SLC35F4: variants seen among roughly 807,000 people sequenced by gnomAD.
SLC35F4 encodes solute carrier family 35 member F4.
Under a neutral mutation model 44.2 loss-of-function variants are expected in SLC35F4, and 24 were observed. The ratio of observed to expected loss-of-function variants is 0.54; its 90% confidence interval spans 0.39 to 0.76. The LOEUF is 0.76. Among genes scored for constraint, SLC35F4 ranks in the 30% least tolerant of loss-of-function variants. The pLI, the probability that SLC35F4 is intolerant of heterozygous loss-of-function variation, is 0.00. For synonymous variants in SLC35F4, 238 were observed against 223.6 expected, an observed-to-expected ratio of 1.06 and a Z score of -0.57; for missense variants, 562 against 586.1, an observed-to-expected ratio of 0.96 and a Z score of 0.42.
At chr14:57,890,175 G>A (rs1595270543) in intron 1 of SLC35F4, among the ~76,000 whole-genome samples, 1 of 152,120 alleles carries the variant, frequency 6.6e-6, no homozygotes, top group South Asian at 2.1e-4. Context: ...AGAACAACAT[G>A]CTTTGGGTAG....
chr14:57,602,496 T>G (rs760868365), intron 1 of SLC35F4: 1 of 152,208 alleles, frequency 6.6e-6, no homozygotes, highest in Non-Finnish European at 1.5e-5. Flanking sequence ...AAATTTGTAT[T>G]GCAGTAGAAT....
chr14:57,934,630 C>T (rs944543105), intron 1 of SLC35F4, among the ~76,000 whole-genome samples: 2 of 151,930 alleles, frequency 1.3e-5, no homozygotes, highest in African/African-American at 4.8e-5. Flanking sequence ...TAGAGTCAGG[C>T]ATTGTATGCA....
intron 1 of SLC35F4, among the ~76,000 whole-genome samples, chr14:57,923,236 A>T (rs17733116): frequency 0.051 from 7,764 of 152,312 alleles, 294 homozygotes; most frequent in Middle Eastern, 0.099. Context: ...AGGAGCCTGT[A>T]TGAGATTGAT....
At chr14:57,864,472 G>A (rs889072879) in intron 1 of SLC35F4, among the ~76,000 whole-genome samples, 4 of 152,042 alleles carry the variant, frequency 2.6e-5, no homozygotes, top group African/African-American at 9.7e-5. Context: ...ATGAAATATC[G>A]AACTAGAAAA....
At chr14:57,963,439 G>T (rs1890375235) in intron 1 of SLC35F4, among the ~76,000 whole-genome samples, 1 of 152,164 alleles carries the variant, frequency 6.6e-6, no homozygotes, top group Non-Finnish European at 1.5e-5. Context: ...GCAGCCCCTG[G>T]GGCTGGAGGC....
intron 1 of SLC35F4, among the ~76,000 whole-genome samples, chr14:57,631,773 A>G (rs2072788938): frequency 6.6e-6 from 1 of 152,128 alleles, no homozygotes; most frequent in African/African-American, 2.4e-5. Flanking sequence ...ATCCTTAACC[A>G]TTTATAATTT....
At chr14:57,573,379 CATT>C (rs1348897836) in intron 4 of SLC35F4, among the ~76,000 whole-genome samples, 6 of 152,304 alleles carry the variant, frequency 3.9e-5, no homozygotes, top group Middle Eastern at 3.4e-3. Context: ...CTTCATTAAA[CATT>C]ATCCAGGAGG....
At chr14:57,860,414 G>A (rs1256294253) in intron 1 of SLC35F4, among the ~76,000 whole-genome samples, 2 of 152,118 alleles carry the variant, frequency 1.3e-5, no homozygotes, top group Non-Finnish European at 2.9e-5. Context: ...ACCTTTCCAG[G>A]GAAGGTGGGA....
chr14:57,823,331 G>A (rs1310080191), intron 1 of SLC35F4, among the ~76,000 whole-genome samples: 1 of 152,094 alleles, frequency 6.6e-6, no homozygotes, highest in East Asian at 1.9e-4. Context: ...TCACAATATT[G>A]TGATCACCTA....
At chr14:57,960,967 A>G (rs1890327463) in intron 1 of SLC35F4, among the ~76,000 whole-genome samples, 1 of 152,122 alleles carries the variant, frequency 6.6e-6, no homozygotes, top group African/African-American at 2.4e-5. Flanking sequence ...CCCTGAACAC[A>G]TGTGAAGAGT....
chr14:57,946,917 TG>T (rs1402479200), intron 1 of SLC35F4, among the ~76,000 whole-genome samples: 1 of 152,172 alleles, frequency 6.6e-6, no homozygotes, highest in African/African-American at 2.4e-5. Context: ...GATTTGGGTT[TG>T]TTTTTGTTTT....
chr14:57,698,723 T>C (rs994593385), intron 1 of SLC35F4, among the ~76,000 whole-genome samples: 23 of 151,770 alleles, frequency 1.5e-4, no homozygotes, highest in Admixed American at 2.6e-4. Context: ...CTGCGACCTC[T>C]ACCTCCCAGG....
rs1288201948 is a variant in SLC35F4 at position 57,861,957 on chromosome 14, G to C, written c.103+3766C>G. On this transcript the variant is annotated intron_variant, in intron 1 of 7. Coordinates refer to ENST00000556826, the MANE Select transcript of SLC35F4 (RefSeq NM_001306087.2). ...GGCCTTAAATACCACCCAAGTACTG[G>C]CAAATCCTTAATTTATATCTCCAAT... 3.3e-5 allele frequency among the ~76,000 whole-genome samples: 5 copies of C among 152,184 alleles called. No individual in the cohort carries two copies. In the East Asian group the frequency reaches 9.6e-4, roughly 29 times the overall value.
At chr14:57,942,112 T>C (rs1889926395) in intron 1 of SLC35F4, among the ~76,000 whole-genome samples, 1 of 152,228 alleles carries the variant, frequency 6.6e-6, no homozygotes, top group South Asian at 2.1e-4. Context: ...TGCCACTGAC[T>C]GAAATATTCT....
intron 1 of SLC35F4, among the ~76,000 whole-genome samples, chr14:57,819,807 C>T (rs988333331): frequency 8.7e-5 from 12 of 137,990 alleles, no homozygotes; most frequent in South Asian, 7.0e-4. Flanking sequence ...AGCAAGACCC[C>T]GTCTCAAAAA....
At chr14:57,979,461 T>C (rs1445906636) in intron 1 of SLC35F4, among the ~76,000 whole-genome samples, 1 of 152,196 alleles carries the variant, frequency 6.6e-6, no homozygotes, top group Non-Finnish European at 1.5e-5. Flanking sequence ...CACAAGCCAC[T>C]GTCATGCAGA....
intron 1 of SLC35F4, among the ~76,000 whole-genome samples, chr14:57,728,392 C>G (rs1017260615): frequency 2.0e-5 from 3 of 148,046 alleles, no homozygotes; most frequent in Non-Finnish European, 4.5e-5. Flanking sequence ...CTTACTGTTA[C>G]CAGGGAGTTT....
Position 57,564,944 on chromosome 14 carries a change from TC to T in SLC35F4, c.1217-569del, listed in dbSNP as rs551998033. Among the ~76,000 whole-genome samples, 1,235 of 152,314 alleles carry T rather than the reference TC, an allele frequency of 8.1e-3. 8 individuals are homozygous for T. The highest frequency in any genetic ancestry group is 0.013 in the South Asian group (62 of 4,820). ...CTTAGCAACCACCAATCTGCTTTTTTCCCCCTATAGATTTGCCTATTCTAGT... is the reference window on the plus strand; with the variant it reads ...CTTAGCAACCACCAATCTGCTTTTTTCCCCTATAGATTTGCCTATTCTAGT... On this transcript the variant is annotated intron_variant, in intron 7 of 7. Coordinates refer to ENST00000556826, the MANE Select transcript of SLC35F4 (RefSeq NM_001306087.2).
intron 1 of SLC35F4, among the ~76,000 whole-genome samples, chr14:57,789,074 C>T (rs1052676819): frequency 3.3e-5 from 5 of 152,060 alleles, no homozygotes; most frequent in Admixed American, 6.6e-5. Flanking sequence ...GATCTAAAAT[C>T]GACAACCTAA....
Sources: gnomAD v4.1 joint callset for allele counts (sites outside exome capture counted in the v4.1 genomes callset) on GRCh38, gnomAD v4.1.1 for gene constraint, MANE v1.5 for transcripts, NCBI Gene and HGNC (gene_info 2026-07-23, HGNC 2026-07-21) for gene names.